CLDN10: variants seen among roughly 807,000 people sequenced by gnomAD.
CLDN10 encodes claudin-10.
CLDN10 carries 15 observed loss-of-function variants against 22.9 expected under a neutral mutation model. That is an observed-to-expected ratio of 0.65 (90% CI 0.44 to 1.01). The LOEUF is 1.01. Ranked by LOEUF, CLDN10 falls within the 50% of genes least tolerant of loss-of-function variation. CLDN10 has a pLI of 0.00. For synonymous variants in CLDN10, 114 were observed against 111.4 expected (o/e 1.02, Z -0.15); for missense variants, 247 against 287.8 (o/e 0.86, Z 1.03).
At chr13:95,529,258 A>C (rs1182748052) in intron 1 of CLDN10, among the ~76,000 whole-genome samples, 1 of 152,072 alleles carries the variant, frequency 6.6e-6, no homozygotes, top group Non-Finnish European at 1.5e-5. Flanking sequence ...CTGTTGATCC[A>C]TTTATTTCTT....
chr13:95,551,610 T>G (rs951037921), upstream of CLDN10, among the ~76,000 whole-genome samples: 2 of 152,146 alleles, frequency 1.3e-5, no homozygotes, highest in Admixed American at 6.5e-5. Context: ...ACACAGAGGG[T>G]TAGCACGAGA....
chr13:95,564,271 G>T (rs760890768), intron 3 of CLDN10, among the ~76,000 whole-genome samples: 33 of 152,244 alleles, frequency 2.2e-4, no homozygotes, highest in Non-Finnish European at 4.4e-4. Context: ...AGTCCTTTCA[G>T]AATTAGCAAA....
chr13:95,573,231 T>C (rs1372842347), intron 3 of CLDN10, among the ~76,000 whole-genome samples: 1 of 152,264 alleles, frequency 6.6e-6, no homozygotes, highest in Non-Finnish European at 1.5e-5. Flanking sequence ...ACTTTATTAA[T>C]GTGTATTGAA....
chr13:95,526,008 A>G (rs1196521875), intron 1 of CLDN10, among the ~76,000 whole-genome samples: 1 of 151,968 alleles, frequency 6.6e-6, no homozygotes, highest in Non-Finnish European at 1.5e-5. Flanking sequence ...TTTCTCTTCT[A>G]CTTTCTAAGT....
chr13:95,488,293 C>T (rs2042827971), intron 1 of CLDN10, among the ~76,000 whole-genome samples: 2 of 151,404 alleles, frequency 1.3e-5, no homozygotes, highest in South Asian at 2.1e-4. Context: ...CCACCCACCT[C>T]GGCCTCCCAA....
intron 1 of CLDN10, among the ~76,000 whole-genome samples, chr13:95,474,199 A>T (rs145339992): frequency 3.2e-3 from 306 of 96,718 alleles, no homozygotes; most frequent in African/African-American, 8.6e-3. Flanking sequence ...GTGACAGATC[A>T]TCAAGAGTGA....
intron 1 of CLDN10, among the ~76,000 whole-genome samples, chr13:95,524,564 A>G (rs1197849713): frequency 6.6e-6 from 1 of 152,166 alleles, no homozygotes; most frequent in African/African-American, 2.4e-5. Context: ...CAGTTTATAG[A>G]AATTTAGGTT....
At chr13:95,519,363 G>A (rs753758252) in intron 1 of CLDN10, among the ~76,000 whole-genome samples, 2 of 152,160 alleles carry the variant, frequency 1.3e-5, no homozygotes, top group African/African-American at 2.4e-5. Flanking sequence ...AAGGGCTGCC[G>A]CCGCCATTGC....
intron 1 of CLDN10, among the ~76,000 whole-genome samples, chr13:95,535,942 A>T (rs115213884): frequency 7.7e-4 from 117 of 152,220 alleles, no homozygotes; most frequent in Middle Eastern, 3.4e-3. Flanking sequence ...AAGAATGGGG[A>T]CTGTTCACTA....
At chr13:95,495,138 C>T (rs112760234) in intron 1 of CLDN10, among the ~76,000 whole-genome samples, 5 of 151,440 alleles carry the variant, frequency 3.3e-5, no homozygotes, top group Non-Finnish European at 7.4e-5. Context: ...TGAGTTCAAG[C>T]GATGCTTCTG....
At chr13:95,487,911 C>T (rs968956738) in intron 1 of CLDN10, among the ~76,000 whole-genome samples, 75 of 151,932 alleles carry the variant, frequency 4.9e-4, no homozygotes, top group African/African-American at 1.8e-3. Context: ...CCCCTGGGCT[C>T]AAGTGATCCT....
chr13:95,521,236 A>G (rs2043221415), intron 1 of CLDN10, among the ~76,000 whole-genome samples: 1 of 152,230 alleles, frequency 6.6e-6, no homozygotes, highest in Admixed American at 6.5e-5. Flanking sequence ...AAGTGACAAT[A>G]GTATGCATCC....
chr13:95,575,313 A>C (rs1197350404), intron 3 of CLDN10, among the ~76,000 whole-genome samples: 1 of 152,220 alleles, frequency 6.6e-6, no homozygotes, highest in Non-Finnish European at 1.5e-5. Context: ...GTCTGCAGTA[A>C]AAAGGGTGCC....
At chr13:95,452,264 A>G (rs1289120928) in intron 1 of CLDN10, among the ~76,000 whole-genome samples, 1 of 152,208 alleles carries the variant, frequency 6.6e-6, no homozygotes, top group Non-Finnish European at 1.5e-5. Context: ...TATTCACATG[A>G]AAAATCTCAG....
At chr13:95,568,816 G>A (rs149394978) in intron 3 of CLDN10, among the ~76,000 whole-genome samples, 38 of 152,228 alleles carry the variant, frequency 2.5e-4, no homozygotes, top group African/African-American at 7.7e-4. Flanking sequence ...ATGGTAAGAC[G>A]GAGTGTGCTT....
intron 3 of CLDN10, among the ~76,000 whole-genome samples, chr13:95,565,968 T>G (rs1211241390): frequency 6.6e-6 from 1 of 152,228 alleles, no homozygotes. Flanking sequence ...TCCTTTTTTA[T>G]GGCTGCATAG....
intron 1 of CLDN10, among the ~76,000 whole-genome samples, chr13:95,493,528 C>G (rs1052795169): frequency 1.3e-5 from 2 of 150,592 alleles, no homozygotes; most frequent in African/African-American, 4.9e-5. Flanking sequence ...ATCTGACACT[C>G]TAGATACCCT....
rs144161171 is a variant in CLDN10 at position 95,565,960 on chromosome 13, C to A, written c.464+5497C>A. Reference sequence around the variant, plus strand: ...TCCCTGCCAAGGACATGAACTCATCCTTTTTTATGGCTGCATAGTATTCCA... The same window carrying A: ...TCCCTGCCAAGGACATGAACTCATCATTTTTTATGGCTGCATAGTATTCCA... On this transcript the variant is annotated intron_variant, in intron 3 of 4. Coordinates refer to ENST00000299339, the MANE Select transcript of CLDN10 (RefSeq NM_006984.5). Among the ~76,000 whole-genome samples, 432 of 152,208 alleles carry A rather than the reference C, an allele frequency of 2.8e-3. 2 individuals are homozygous for A. Among genetic ancestry groups the A allele is most frequent in the African/African-American group, 9.9e-3 (411 of 41,520 alleles).
At chr13:95,462,614 C>A (rs914651297) in intron 1 of CLDN10, among the ~76,000 whole-genome samples, 3 of 152,148 alleles carry the variant, frequency 2.0e-5, no homozygotes, top group Non-Finnish European at 4.4e-5. Context: ...GGAGTCAGGG[C>A]CTGGGGACCA....
Sources: gnomAD v4.1 joint callset for allele counts (sites outside exome capture counted in the v4.1 genomes callset) on GRCh38, gnomAD v4.1.1 for gene constraint, MANE v1.5 for transcripts, NCBI Gene and HGNC (gene_info 2026-07-23, HGNC 2026-07-21) for gene names.